The following PPFIBP1 variants were observed in gnomAD, a reference collection of about 807,000 sequenced individuals.
The protein encoded by PPFIBP1 is PPFIB scaffold protein 1, also known as liprin-beta-1.
PPFIBP1 carries 112 observed loss-of-function variants against 137.8 expected under a neutral mutation model. The observed-to-expected ratio is 0.81, with a 90% CI of 0.70 to 0.95. The LOEUF (loss-of-function observed/expected upper bound fraction) is 0.95. Ranked by LOEUF, PPFIBP1 falls within the 40% of genes least tolerant of loss-of-function variation. PPFIBP1 has a pLI of 0.00. For synonymous variants in PPFIBP1, 378 were observed against 417.3 expected, an observed-to-expected ratio of 0.91 and a Z score of 1.15; for missense variants, 1,083 against 1,196.6, an observed-to-expected ratio of 0.91 and a Z score of 1.40.
At chr12:27,639,535 GT>G (rs1483793932) in intron 4 of PPFIBP1, among the ~76,000 whole-genome samples, 1 of 152,190 alleles carries the variant, frequency 6.6e-6, no homozygotes, top group African/African-American at 2.4e-5. Context: ...CTATTTGGCA[GT>G]TTTAATTATG....
chr12:27,577,324 A>C (rs7973196), intron 1 of PPFIBP1, among the ~76,000 whole-genome samples: 82,434 of 151,858 alleles, frequency 0.54, 24,157 homozygotes, highest in South Asian at 0.74. Flanking sequence ...GGGGTTAATG[A>C]ATCCTCACAA....
intron 1 of PPFIBP1, among the ~76,000 whole-genome samples, chr12:27,571,401 G>A (rs945618213): frequency 4.6e-5 from 7 of 152,152 alleles, no homozygotes; most frequent in East Asian, 1.9e-4. Context: ...TTTACCCACC[G>A]AAAAAGCATG....
chr12:27,550,137 C>G (rs1232410101), intron 1 of PPFIBP1, among the ~76,000 whole-genome samples: 1 of 152,216 alleles, frequency 6.6e-6, no homozygotes, highest in Non-Finnish European at 1.5e-5. Flanking sequence ...CCTTCTTATA[C>G]TCTCAGGCAA....
intron 28 of PPFIBP1, 65 bp downstream of exon 28, chr12:27,691,993 T>C: frequency 7.5e-7 from 1 of 1,335,402 alleles, no homozygotes; most frequent in East Asian, 2.3e-5. Context: ...ATGGGAACTT[T>C]GTATACTGTG....
intron 2 of PPFIBP1, among the ~76,000 whole-genome samples, chr12:27,596,396 T>A (rs1383234665): frequency 6.6e-6 from 1 of 152,236 alleles, no homozygotes; most frequent in Non-Finnish European, 1.5e-5. Context: ...ACCCAATAGA[T>A]GCAGCCTGGC....
intron 12 of PPFIBP1, among the ~76,000 whole-genome samples, chr12:27,666,870 T>C (rs564644932): frequency 2.6e-5 from 4 of 152,324 alleles, no homozygotes; most frequent in South Asian, 4.2e-4. Flanking sequence ...AAGAGAGTTG[T>C]TGGAAAAAGT....
intron 8 of PPFIBP1, 29 bp from the exon 9 acceptor site, chr12:27,656,587 C>T (rs1195872934): frequency 7.4e-7 from 1 of 1,355,554 alleles, no homozygotes; most frequent in East Asian, 2.3e-5. Flanking sequence ...TCATGATCTG[C>T]TATTTTTAAA....
At chr12:27,572,479 A>C (rs1322142094) in intron 1 of PPFIBP1, among the ~76,000 whole-genome samples, 1 of 152,256 alleles carries the variant, frequency 6.6e-6, no homozygotes, top group Non-Finnish European at 1.5e-5. Context: ...AATAAAAATA[A>C]TTTGGCAGTA....
chr12:27,635,274 T>C (rs1027952261), intron 4 of PPFIBP1, 159 bp downstream of exon 4: 3 of 710,506 alleles, frequency 4.2e-6, no homozygotes, highest in Admixed American at 5.7e-5. Flanking sequence ...ACTCTAAGGA[T>C]AACTTTTTAA....
At chr12:27,592,676 T>G in intron 2 of PPFIBP1, 1 of 1,469,790 alleles carries the variant, frequency 6.8e-7, no homozygotes, top group Non-Finnish European at 9.5e-7. Context: ...GTGTCATCCT[T>G]CTCCGGCTGC....
chr12:27,666,849 A>G (rs937147571), intron 12 of PPFIBP1, among the ~76,000 whole-genome samples: 5 of 152,222 alleles, frequency 3.3e-5, no homozygotes, highest in African/African-American at 1.2e-4. Flanking sequence ...CTGATTTTAA[A>G]ACAAAGTTAC....
chr12:27,592,896 T>G, intron 2 of PPFIBP1: 1 of 459,664 alleles, frequency 2.2e-6, no homozygotes. Flanking sequence ...TATCAGCACT[T>G]TGGGAGGCCG....
chr12:27,664,568 G>T, intron 12 of PPFIBP1, 122 bp downstream of exon 12: 2 of 666,496 alleles, frequency 3.0e-6, no homozygotes, highest in Non-Finnish European at 5.4e-6. Context: ...TAGCTAATTC[G>T]TTAATTGAAC....
intron 4 of PPFIBP1, among the ~76,000 whole-genome samples, chr12:27,639,881 T>C (rs1401721435): frequency 6.6e-6 from 1 of 152,214 alleles, no homozygotes; most frequent in African/African-American, 2.4e-5. Context: ...CCTGAGTCCC[T>C]GACTCCCAGC....
chr12:27,594,045 T>A (rs2052879254), intron 2 of PPFIBP1: 2 of 1,312,352 alleles, frequency 1.5e-6, no homozygotes. Flanking sequence ...GCCATGGAGT[T>A]CAAAGGCACA....
At chr12:27,679,769 G>T in intron 20 of PPFIBP1, 130 bp downstream of exon 20, 1 of 1,379,982 alleles carries the variant, frequency 7.2e-7, no homozygotes, top group Non-Finnish European at 9.9e-7. Flanking sequence ...TGTGATGTGG[G>T]ATTTATTAAC....
chr12:27,682,721 G>C lies in PPFIBP1; in HGVS notation c.2247+18G>C. 6.2e-7 allele frequency: 1 copy of C among 1,613,292 alleles called. No individual in the cohort carries two copies. Among genetic ancestry groups the C allele is most frequent in the Non-Finnish European group, 8.5e-7 (1 of 1,179,822 alleles). ...TGACTGTTGTAAGTGACTCACTCCT[G>C]GGGTTTGGGGGAGGAAAACTTTTTT... On this transcript the variant is annotated intron_variant, in intron 24 of 29. Transcript: ENST00000228425.
At chr12:27,581,974 G>T (rs894683615) in intron 2 of PPFIBP1, among the ~76,000 whole-genome samples, 2 of 148,600 alleles carry the variant, frequency 1.3e-5, no homozygotes, top group African/African-American at 4.9e-5. Flanking sequence ...TTGCGTGTGT[G>T]TGTGTACGTA....
intron 1 of PPFIBP1, among the ~76,000 whole-genome samples, chr12:27,563,277 TAAAAAAAAAAAAAAAA>T (rs869044515): frequency 9.0e-5 from 2 of 22,172 alleles, no homozygotes; most frequent in African/African-American, 2.2e-4. Flanking sequence ...CCATCTCTAC[TAAAAAAAAAAAAAAAA>T]AAAAAAAAAA....
Sources: allele counts gnomAD v4.1 joint callset (sites outside exome capture counted in the v4.1 genomes callset), GRCh38; gene constraint gnomAD v4.1.1; transcripts MANE v1.5; gene names NCBI Gene and HGNC (gene_info 2026-07-23, HGNC 2026-07-21).